STXBP5L: variants seen among roughly 807,000 people sequenced by gnomAD.
The protein encoded by STXBP5L is syntaxin binding protein 5L.
In STXBP5L, 65 loss-of-function variants were observed where a neutral mutation model predicts 144.5. That is an observed-to-expected ratio of 0.45 (90% CI 0.37 to 0.55). STXBP5L has a LOEUF of 0.55. STXBP5L is among the 20% of genes least tolerant of loss of function. The pLI, the probability that STXBP5L is intolerant of heterozygous loss-of-function variation, is 0.00. For synonymous variants in STXBP5L, 505 were observed against 469.6 expected, an observed-to-expected ratio of 1.08 and a Z score of -0.97; for missense variants, 1,298 against 1,405.5, an observed-to-expected ratio of 0.92 and a Z score of 1.22.
At chr3:121,252,614 T>G (rs1021904786) in intron 15 of STXBP5L, among the ~76,000 whole-genome samples, 3 of 152,216 alleles carry the variant, frequency 2.0e-5, no homozygotes, top group Non-Finnish European at 4.4e-5. Context: ...AATTACTTAG[T>G]TTGCTAACTT....
chr3:121,237,919 C>T (rs900223076), intron 12 of STXBP5L, among the ~76,000 whole-genome samples: 1 of 152,278 alleles, frequency 6.6e-6, no homozygotes. Flanking sequence ...CTGTCTGAGA[C>T]CTCATTAGCA....
At chr3:121,039,363 A>G (rs546797322) in intron 3 of STXBP5L, among the ~76,000 whole-genome samples, 42 of 151,704 alleles carry the variant, frequency 2.8e-4, no homozygotes, top group African/African-American at 8.9e-4. Context: ...GTATAATAGT[A>G]AAGTTTCTAT....
intron 9 of STXBP5L, among the ~76,000 whole-genome samples, chr3:121,196,320 G>C (rs910563946): frequency 7.9e-5 from 12 of 151,704 alleles, no homozygotes; most frequent in African/African-American, 2.9e-4. Context: ...TGTATTTTTA[G>C]TAGAGATGGG....
intron 16 of STXBP5L, among the ~76,000 whole-genome samples, chr3:121,256,594 A>G (rs2050212865): frequency 6.6e-6 from 1 of 151,932 alleles, no homozygotes; most frequent in Non-Finnish European, 1.5e-5. Context: ...ACAACCAAAA[A>G]TATGGAATTT....
chr3:121,350,621 C>T (rs1228318085), intron 20 of STXBP5L, among the ~76,000 whole-genome samples: 2 of 152,182 alleles, frequency 1.3e-5, no homozygotes, highest in Non-Finnish European at 2.9e-5. Context: ...TTGGTATTTT[C>T]ACATAGTCCC....
At chr3:121,261,498 A>T (rs1231858244) in intron 18 of STXBP5L, among the ~76,000 whole-genome samples, 1 of 152,236 alleles carries the variant, frequency 6.6e-6, no homozygotes, top group African/African-American at 2.4e-5. Context: ...TATATCATTT[A>T]TGAACATGGA....
At chr3:121,347,513 A>T (rs1307294829) in intron 20 of STXBP5L, among the ~76,000 whole-genome samples, 11 of 152,152 alleles carry the variant, frequency 7.2e-5, no homozygotes, top group Admixed American at 2.6e-4. Flanking sequence ...TGGTAACTTG[A>T]TGGGGATGGC....
intron 22 of STXBP5L, among the ~76,000 whole-genome samples, chr3:121,386,370 A>C (rs73183171): frequency 0.036 from 5,432 of 152,220 alleles, 143 homozygotes; most frequent in Middle Eastern, 0.082. Flanking sequence ...AGCTGCATTC[A>C]CATTGCTGCA....
intron 20 of STXBP5L, among the ~76,000 whole-genome samples, chr3:121,354,598 A>G (rs2045432744): frequency 7.5e-6 from 1 of 132,670 alleles, no homozygotes; most frequent in Non-Finnish European, 1.5e-5. Flanking sequence ...TTTGCATGTG[A>G]GATGGGGCTC....
At chr3:121,411,412 C>G (rs950808987) in intron 23 of STXBP5L, among the ~76,000 whole-genome samples, 1 of 152,004 alleles carries the variant, frequency 6.6e-6, no homozygotes, top group Admixed American at 6.6e-5. Flanking sequence ...CACTTAGAAT[C>G]AGTATAATGG....
At chr3:121,022,683 G>T (rs1273482573) in intron 3 of STXBP5L, among the ~76,000 whole-genome samples, 1 of 152,068 alleles carries the variant, frequency 6.6e-6, no homozygotes, top group East Asian at 1.9e-4. Context: ...AATAGACACA[G>T]AAAAGGCATT....
chr3:121,413,561 TTTTG>T (rs2047168880), intron 24 of STXBP5L, among the ~76,000 whole-genome samples: 1 of 152,160 alleles, frequency 6.6e-6, no homozygotes, highest in South Asian at 2.1e-4. Flanking sequence ...TAGCTAATCT[TTTTG>T]TTTATTTTAT....
At chr3:120,951,943 G>T (rs1711266521) in intron 2 of STXBP5L, among the ~76,000 whole-genome samples, 1 of 151,682 alleles carries the variant, frequency 6.6e-6, no homozygotes, top group African/African-American at 2.4e-5. Context: ...AAGAAAATGT[G>T]GCACATATAC....
intron 20 of STXBP5L, among the ~76,000 whole-genome samples, chr3:121,355,381 A>G (rs961318030): frequency 1.1e-4 from 16 of 152,018 alleles, no homozygotes; most frequent in South Asian, 2.1e-4. Context: ...GGCTTTGTTC[A>G]TTTCTTTTTA....
intron 10 of STXBP5L, among the ~76,000 whole-genome samples, chr3:121,209,036 G>A (rs1429448582): frequency 6.6e-6 from 1 of 152,054 alleles, no homozygotes; most frequent in Admixed American, 6.6e-5. Context: ...TTCTGTTCCG[G>A]TGTTAGTTTG....
chr3:121,331,990 G>A (rs1050186892), intron 20 of STXBP5L, among the ~76,000 whole-genome samples: 1 of 151,258 alleles, frequency 6.6e-6, no homozygotes, highest in Non-Finnish European at 1.5e-5. Context: ...AACTCATACA[G>A]AGTCTTCACC....
At chr3:121,185,336 C>T (rs568085243) in intron 9 of STXBP5L, among the ~76,000 whole-genome samples, 1 of 152,214 alleles carries the variant, frequency 6.6e-6, no homozygotes, top group African/African-American at 2.4e-5. Context: ...CTTTTATTGC[C>T]ATTGCTTTTG....
intron 3 of STXBP5L, among the ~76,000 whole-genome samples, chr3:121,014,070 A>G (rs375006870): frequency 2.6e-4 from 39 of 151,852 alleles, no homozygotes; most frequent in African/African-American, 8.9e-4. Context: ...GTCAGGTAAT[A>G]TGATGCCTCC....
chr3:121,263,080 A>T (rs1288235232), intron 18 of STXBP5L, among the ~76,000 whole-genome samples: 1 of 152,214 alleles, frequency 6.6e-6, no homozygotes, highest in Non-Finnish European at 1.5e-5. Flanking sequence ...TCTGGCTGGC[A>T]TCTGGAGGGT....
Sources: gnomAD v4.1 joint callset for allele counts (sites outside exome capture counted in the v4.1 genomes callset) on GRCh38, gnomAD v4.1.1 for gene constraint, MANE v1.5 for transcripts, NCBI Gene and HGNC (gene_info 2026-07-23, HGNC 2026-07-21) for gene names.